GRID2: variants seen among roughly 807,000 people sequenced by gnomAD.
GRID2 encodes glutamate receptor ionotropic, delta-2.
In GRID2, 33 loss-of-function variants were observed where a neutral mutation model predicts 114.8. That is an observed-to-expected ratio of 0.29 (90% CI 0.22 to 0.38). The LOEUF (loss-of-function observed/expected upper bound fraction) is 0.38, where lower values mean the gene tolerates loss of function less well. GRID2 is among the 10% of genes least tolerant of loss of function. The pLI is 1.00. For missense variants in GRID2, 1,184 were observed against 1,257.7 expected (o/e 0.94, Z 0.89); for synonymous variants, 505 against 449.9 (o/e 1.12, Z -1.55).
At chr4:93,797,257 A>G (rs2110363485) in intron 1 of GRID2, among the ~76,000 whole-genome samples, 1 of 152,316 alleles carries the variant, frequency 6.6e-6, no homozygotes, top group East Asian at 1.9e-4. Flanking sequence ...TACATGTCAA[A>G]ATAGATGCTA....
chr4:93,372,627 T>A lies in GRID2; in HGVS notation c.1246-22980T>A, dbSNP rs180801070. ...TGGTTTCTGTGTCTCTAGTGTCTTG[T>A]AGACATTAGAGGCACAGAAACCATT... On this transcript the variant is annotated intron_variant, in intron 8 of 15. Transcript: ENST00000282020. Among the ~76,000 whole-genome samples the A allele has an allele frequency of 1.4e-3, 208 of 152,262 alleles. 2 individuals carry two copies. Among genetic ancestry groups the A allele is most frequent in the Admixed American group, 0.011 (168 of 15,292 alleles).
chr4:93,652,593 T>A (rs73839749), intron 14 of GRID2, among the ~76,000 whole-genome samples: 1 of 151,666 alleles, frequency 6.6e-6, no homozygotes, highest in African/African-American at 2.4e-5. Flanking sequence ...GGTCTAGGTT[T>A]GTGTAACTAC....
intron 1 of GRID2, among the ~76,000 whole-genome samples, chr4:92,546,615 A>G (rs1726276612): frequency 6.6e-6 from 1 of 152,230 alleles, no homozygotes; most frequent in Admixed American, 6.5e-5. Context: ...TTTCAAAATC[A>G]AACGTAATAT....
chr4:93,209,815 C>T (rs1743245699), intron 5 of GRID2, among the ~76,000 whole-genome samples: 2 of 151,994 alleles, frequency 1.3e-5, no homozygotes, highest in Admixed American at 1.3e-4. Context: ...GAGATGGTAT[C>T]TCATAGTGGT....
chr4:93,042,681 A>C (rs568247418), intron 2 of GRID2, among the ~76,000 whole-genome samples: 8 of 143,378 alleles, frequency 5.6e-5, no homozygotes, highest in African/African-American at 1.8e-4. Flanking sequence ...CTATATATCT[A>C]TATATATATG....
At chr4:93,295,514 T>G (rs1754198368) in intron 8 of GRID2, among the ~76,000 whole-genome samples, 1 of 152,142 alleles carries the variant, frequency 6.6e-6, no homozygotes, top group African/African-American at 2.4e-5. Flanking sequence ...GGGCAGGCTG[T>G]CAAGAATGGC....
chr4:92,662,331 G>A (rs769480614), intron 2 of GRID2, among the ~76,000 whole-genome samples: 6 of 150,966 alleles, frequency 4.0e-5, no homozygotes, highest in Non-Finnish European at 5.9e-5. Flanking sequence ...TTATGGTGGC[G>A]CTCCAAAAAT....
intron 3 of GRID2, among the ~76,000 whole-genome samples, chr4:93,107,841 C>T (rs1037756530): frequency 6.6e-6 from 1 of 152,116 alleles, no homozygotes; most frequent in Non-Finnish European, 1.5e-5. Flanking sequence ...ACTTAAACTG[C>T]TTTTCATTCT....
chr4:92,690,613 C>CA (rs1318719105), intron 2 of GRID2, among the ~76,000 whole-genome samples: 2 of 151,796 alleles, frequency 1.3e-5, no homozygotes, highest in East Asian at 1.9e-4. Flanking sequence ...ATTTAGTTTG[C>CA]AAAAAACAAT....
intron 2 of GRID2, among the ~76,000 whole-genome samples, chr4:92,799,083 T>A: frequency 6.6e-6 from 1 of 152,052 alleles, no homozygotes; most frequent in African/African-American, 2.4e-5. Flanking sequence ...ATTGTGCACT[T>A]TATTTCCATT....
At chr4:92,981,545 C>G (rs1754213564) in intron 2 of GRID2, among the ~76,000 whole-genome samples, 1 of 151,992 alleles carries the variant, frequency 6.6e-6, no homozygotes, top group Non-Finnish European at 1.5e-5. Context: ...ACCCTCATTT[C>G]CAAGGCCTCC....
intron 1 of GRID2, among the ~76,000 whole-genome samples, chr4:92,360,352 T>A (rs1728553346): frequency 6.6e-6 from 1 of 152,080 alleles, no homozygotes; most frequent in Non-Finnish European, 1.5e-5. Flanking sequence ...CATAAAATTG[T>A]TTTGATTCTT....
intron 1 of GRID2, among the ~76,000 whole-genome samples, chr4:92,554,444 A>C (rs1726752422): frequency 6.6e-6 from 1 of 152,088 alleles, no homozygotes; most frequent in African/African-American, 2.4e-5. Flanking sequence ...TTTTTTTCAA[A>C]TTTATAGACA....
intron 2 of GRID2, among the ~76,000 whole-genome samples, chr4:92,671,475 A>T (rs1054499148): frequency 2.0e-5 from 3 of 152,094 alleles, no homozygotes; most frequent in African/African-American, 7.2e-5. Context: ...TCAGGCTTCC[A>T]TTTTCAGCCT....
At chr4:92,875,667 C>A (rs1745578300) in intron 2 of GRID2, among the ~76,000 whole-genome samples, 1 of 151,844 alleles carries the variant, frequency 6.6e-6, no homozygotes, top group Non-Finnish European at 1.5e-5. Context: ...TGGGGGTGGG[C>A]TGAATTTTGG....
chr4:92,630,763 G>A (rs1189833516), intron 2 of GRID2, among the ~76,000 whole-genome samples: 3 of 152,056 alleles, frequency 2.0e-5, no homozygotes, highest in African/African-American at 7.2e-5. Context: ...TGATAAGAGT[G>A]AAGTAGGAAG....
intron 14 of GRID2, among the ~76,000 whole-genome samples, chr4:93,696,339 C>T (rs1034687246): frequency 3.3e-5 from 5 of 152,154 alleles, no homozygotes; most frequent in African/African-American, 9.7e-5. Flanking sequence ...CTTCCACTGC[C>T]GATAATCAAC....
chr4:92,738,174 A>G (rs1736695018), intron 2 of GRID2, among the ~76,000 whole-genome samples: 1 of 152,110 alleles, frequency 6.6e-6, no homozygotes, highest in Non-Finnish European at 1.5e-5. Context: ...TCTGATGGCC[A>G]GTGATGGTGA....
At chr4:92,757,292 G>A (rs1174008575) in intron 2 of GRID2, among the ~76,000 whole-genome samples, 3 of 152,066 alleles carry the variant, frequency 2.0e-5, no homozygotes, top group Non-Finnish European at 2.9e-5. Flanking sequence ...TGTACTCAGT[G>A]GAGATTGTAT....
Sources: allele counts gnomAD v4.1 joint callset (sites outside exome capture counted in the v4.1 genomes callset), GRCh38; gene constraint gnomAD v4.1.1; transcripts MANE v1.5; gene names NCBI Gene and HGNC (gene_info 2026-07-23, HGNC 2026-07-21).